BACH2: variants seen among roughly 807,000 people sequenced by gnomAD.
BACH2 encodes the protein transcription regulator protein BACH2.
A neutral mutation model predicts 61.8 loss-of-function variants in BACH2; 5 were observed. That is an observed-to-expected ratio of 0.08 (90% CI 0.04 to 0.17). The LOEUF is 0.17. Among genes scored for constraint, BACH2 ranks in the 10% least tolerant of loss-of-function variants. The probability of loss-of-function intolerance (pLI) is 1.00; values close to 1 mark genes in which losing one functional copy is unlikely to be tolerated. For synonymous variants in BACH2, 446 were observed against 440.1 expected, an observed-to-expected ratio of 1.01 and a Z score of -0.17; for missense variants, 824 against 1,091.1, an observed-to-expected ratio of 0.76 and a Z score of 3.45.
intron 4 of BACH2, among the ~76,000 whole-genome samples, chr6:90,139,486 A>G (rs1784391186): frequency 6.6e-6 from 1 of 152,228 alleles, no homozygotes; most frequent in Admixed American, 6.5e-5. Flanking sequence ...GTCTTCGCTT[A>G]TAGACCAGCT....
chr6:90,158,414 A>C (rs1360563140), intron 4 of BACH2, among the ~76,000 whole-genome samples: 5 of 151,618 alleles, frequency 3.3e-5, no homozygotes, highest in African/African-American at 1.2e-4. Flanking sequence ...TATCTCATCG[A>C]GAAGAAAGGC....
chr6:89,950,558 C>T lies in BACH2; in HGVS notation c.1548G>A (p.Arg516=), dbSNP rs2128356720. ...AAGAGCAGGAGCTGGAAGTCCTGGTCCTGGTCTCCAAGGGGGGTGAGCGAG... is the reference window on the plus strand; with the variant it reads ...AAGAGCAGGAGCTGGAAGTCCTGGTTCTGGTCTCCAAGGGGGGTGAGCGAG... The part of the protein sequence containing the change: ...VCPRSPPLET[R]TRTSSSCSSY... Residue 516 remains arginine, a synonymous_variant, in exon 7 of 9, where the codon AGG becomes AGA. Coordinates refer to ENST00000257749, the MANE Select transcript of BACH2 (RefSeq NM_021813.4). This position sits in a 1 kb window ranked among gnomAD's most constrained non-coding sequence, Gnocchi z 5.3. 1.2e-6 allele frequency: 2 copies of T among 1,611,180 alleles called. No individual in the cohort carries two copies. The highest frequency in any genetic ancestry group is 2.2e-5 in the East Asian group (1 of 44,828).
chr6:90,274,113 T>C (rs1021382794), intron 1 of BACH2, among the ~76,000 whole-genome samples: 10 of 152,226 alleles, frequency 6.6e-5, no homozygotes, highest in Admixed American at 5.9e-4. Context: ...AGTCTGATTT[T>C]ATGACAATAT....
intron 2 of BACH2, among the ~76,000 whole-genome samples, chr6:90,259,331 G>A (rs1037303172): frequency 3.9e-5 from 6 of 152,294 alleles, no homozygotes; most frequent in African/African-American, 1.4e-4. Flanking sequence ...AGATTATCAT[G>A]TGATTTTTAT....
chr6:90,033,135 CT>C (rs1284181501), intron 5 of BACH2, among the ~76,000 whole-genome samples: 13 of 151,816 alleles, frequency 8.6e-5, no homozygotes, highest in African/African-American at 3.1e-4. Flanking sequence ...CATGTTCTCA[CT>C]CATAGGTGCG....
At chr6:89,932,975 T>C in intron 8 of BACH2, 85 bp from the exon 9 acceptor site, 1 of 1,393,128 alleles carries the variant, frequency 7.2e-7, no homozygotes, top group South Asian at 1.5e-5. Flanking sequence ...CCAGCCTTTG[T>C]TTTGCATCCT....
intron 3 of BACH2, among the ~76,000 whole-genome samples, chr6:90,214,483 A>C (rs1306617111): frequency 6.6e-6 from 1 of 152,182 alleles, no homozygotes; most frequent in Non-Finnish European, 1.5e-5. Context: ...ACTGTTAAAG[A>C]AGCGTTAAGG....
At chr6:90,164,541 G>A (rs1767538185) in intron 4 of BACH2, among the ~76,000 whole-genome samples, 2 of 152,014 alleles carry the variant, frequency 1.3e-5, no homozygotes, top group Non-Finnish European at 2.9e-5. Context: ...GAAAAAGAGG[G>A]AATCCTCCCT....
intron 3 of BACH2, among the ~76,000 whole-genome samples, chr6:90,249,675 C>T (rs1185049699): frequency 1.3e-5 from 2 of 151,990 alleles, no homozygotes; most frequent in Non-Finnish European, 2.9e-5. Context: ...GAGAGGCTGA[C>T]GTGGGGGAAT....
intron 3 of BACH2, among the ~76,000 whole-genome samples, chr6:90,236,355 C>G (rs1770260447): frequency 6.6e-6 from 1 of 152,144 alleles, no homozygotes. Context: ...CATGAGGGAC[C>G]TCAGGCCTGC....
intron 6 of BACH2, among the ~76,000 whole-genome samples, chr6:89,965,067 A>G (rs1008954521): frequency 2.6e-5 from 4 of 152,052 alleles, no homozygotes; most frequent in African/African-American, 9.7e-5. Context: ...TTGTATTTTT[A>G]GTAGAGAAGG....
At chr6:90,142,794 T>C (rs1397135960) in intron 4 of BACH2, among the ~76,000 whole-genome samples, 1 of 152,162 alleles carries the variant, frequency 6.6e-6, no homozygotes, top group African/African-American at 2.4e-5. Flanking sequence ...TTTGCTTCTA[T>C]TTTCTAAAGT....
intron 1 of BACH2, among the ~76,000 whole-genome samples, chr6:90,294,344 C>A (rs1364675809): frequency 6.6e-6 from 1 of 152,110 alleles, no homozygotes; most frequent in Non-Finnish European, 1.5e-5. Flanking sequence ...TACTTTATTC[C>A]ATGGTTGTGT....
chr6:90,210,376 T>C (rs1309773344), intron 3 of BACH2, among the ~76,000 whole-genome samples: 1 of 150,896 alleles, frequency 6.6e-6, no homozygotes, highest in African/African-American at 2.4e-5. Flanking sequence ...AAGACCACCA[T>C]TTAACAGAAA....
chr6:90,002,581 C>A (rs1399906807), intron 6 of BACH2, among the ~76,000 whole-genome samples: 1 of 152,164 alleles, frequency 6.6e-6, no homozygotes, highest in African/African-American at 2.4e-5. Flanking sequence ...ACCAGCCTGG[C>A]CAGCATGGCA....
intron 1 of BACH2, among the ~76,000 whole-genome samples, chr6:90,274,469 C>T (rs891467413): frequency 3.9e-5 from 6 of 152,078 alleles, no homozygotes; most frequent in Non-Finnish European, 7.4e-5. Flanking sequence ...GATAAAAGTG[C>T]CAACAAGAAA....
chr6:90,214,765 T>G (rs1392126974), intron 3 of BACH2, among the ~76,000 whole-genome samples: 2 of 139,832 alleles, frequency 1.4e-5, no homozygotes, highest in African/African-American at 5.7e-5. Context: ...TTTTTTTTTT[T>G]TTTTTTTTTT....
chr6:90,270,140 AT>A, intron 2 of BACH2, among the ~76,000 whole-genome samples: 1 of 152,174 alleles, frequency 6.6e-6, no homozygotes, highest in Admixed American at 6.5e-5. Flanking sequence ...GTTGATGGGT[AT>A]TTAAGCTGGT....
chr6:90,027,094 G>T (rs1778674765), intron 5 of BACH2, among the ~76,000 whole-genome samples: 1 of 152,124 alleles, frequency 6.6e-6, no homozygotes, highest in Non-Finnish European at 1.5e-5. Context: ...AAACCATGAG[G>T]CTAAGACCAC....
Sources: gnomAD v4.1 joint callset for allele counts (sites outside exome capture counted in the v4.1 genomes callset) on GRCh38, gnomAD v4.1.1 for gene constraint, Gnocchi (gnomAD v3.1) non-coding constraint, MANE v1.5 for transcripts, NCBI Gene and HGNC (gene_info 2026-07-23, HGNC 2026-07-21) for gene names.